RAD51B: variants seen among roughly 807,000 people sequenced by gnomAD.
The protein encoded by RAD51B is RAD51 paralog B, also known as DNA repair protein RAD51 homolog 2.
RAD51B carries 38 observed loss-of-function variants against 42.2 expected under a neutral mutation model. The ratio of observed to expected loss-of-function variants is 0.90; its 90% CI spans 0.70 to 1.18. RAD51B has a LOEUF of 1.18. Ranked by LOEUF, RAD51B falls within the 50% of genes most tolerant of loss-of-function variation. The pLI is 0.00. For synonymous variants in RAD51B, 154 were observed against 145.2 expected, an observed-to-expected ratio of 1.06 and a Z score of -0.43; for missense variants, 373 against 400.7, an observed-to-expected ratio of 0.93 and a Z score of 0.59.
intron 7 of RAD51B, among the ~76,000 whole-genome samples, chr14:68,066,729 C>G (rs1449335736): frequency 6.6e-6 from 1 of 152,004 alleles, no homozygotes; most frequent in Non-Finnish European, 1.5e-5. Context: ...TGAGTCTAGC[C>G]TGGGCAATGC....
chr14:68,235,636 G>A (rs1171824910), intron 7 of RAD51B, among the ~76,000 whole-genome samples: 2 of 145,418 alleles, frequency 1.4e-5, no homozygotes, highest in Admixed American at 6.9e-5. Context: ...CCCGGGAGGC[G>A]GAGCTTGCAG....
chr14:68,406,132 C>G (rs1178228324), intron 8 of RAD51B, among the ~76,000 whole-genome samples: 2 of 152,200 alleles, frequency 1.3e-5, no homozygotes, highest in African/African-American at 4.8e-5. Flanking sequence ...CTCTGTGTCT[C>G]AGACCTTGTG....
intron 7 of RAD51B, among the ~76,000 whole-genome samples, chr14:68,214,944 T>C (rs1293916309): frequency 6.6e-6 from 1 of 152,170 alleles, no homozygotes; most frequent in African/African-American, 2.4e-5. Context: ...TCCTTGGGGG[T>C]TCTAATTATA....
intron 11 of RAD51B, among the ~76,000 whole-genome samples, chr14:68,655,424 G>A (rs751975995): frequency 1.3e-5 from 2 of 152,130 alleles, no homozygotes; most frequent in African/African-American, 2.4e-5. Flanking sequence ...TGGGGGAAGC[G>A]AGCTACTTCT....
At chr14:68,671,147 A>C (rs1893148478) in intron 11 of RAD51B, among the ~76,000 whole-genome samples, 1 of 152,190 alleles carries the variant, frequency 6.6e-6, no homozygotes, top group South Asian at 2.1e-4. Flanking sequence ...TCCAAGGGGC[A>C]CCCATGATAA....
intron 1 of RAD51B, among the ~76,000 whole-genome samples, chr14:67,820,518 A>G (rs543915270): frequency 2.6e-5 from 4 of 152,342 alleles, no homozygotes; most frequent in Admixed American, 2.6e-4. Context: ...TGCAATACAC[A>G]TACGTGCTTT....
At chr14:68,069,335 A>G (rs10150789) in intron 7 of RAD51B, among the ~76,000 whole-genome samples, 9,187 of 152,070 alleles carry the variant, frequency 0.06, 653 homozygotes, top group African/African-American at 0.17. Context: ...ACATGGGTAA[A>G]TTGTGTGTGT....
chr14:68,068,154 C>G (rs1168783825), intron 7 of RAD51B, among the ~76,000 whole-genome samples: 3 of 152,106 alleles, frequency 2.0e-5, no homozygotes, highest in African/African-American at 7.2e-5. Context: ...ATAATACTTT[C>G]AATGTACAAT....
intron 7 of RAD51B, among the ~76,000 whole-genome samples, chr14:67,920,977 G>A (rs751932017): frequency 6.6e-6 from 1 of 152,200 alleles, no homozygotes; most frequent in Non-Finnish European, 1.5e-5. Context: ...TTTGGTTGTA[G>A]CATAGAGTAA....
chr14:68,224,192 A>G (rs1163116111), intron 7 of RAD51B, among the ~76,000 whole-genome samples: 2 of 152,236 alleles, frequency 1.3e-5, no homozygotes, highest in Admixed American at 1.3e-4. Context: ...TGCTTCCTGC[A>G]TGAAGCCTGT....
At chr14:68,537,973 A>G (rs1267917984) in intron 10 of RAD51B, among the ~76,000 whole-genome samples, 1 of 152,188 alleles carries the variant, frequency 6.6e-6, no homozygotes, top group South Asian at 2.1e-4. Flanking sequence ...CTGAGCATCA[A>G]GATGTCTTCA....
At position 68,144,763 on chromosome 14, in the gene RAD51B, T is replaced by C. The variant is rs551203633; in HGVS notation, c.757-147121T>C. On this transcript the variant is annotated intron_variant, in intron 7 of 10. Coordinates refer to ENST00000471583, the MANE Select transcript of RAD51B (RefSeq NM_133510.4). ...TCTATGTTTTCTCATGTCTGTATTT[T>C]GTGTTTTATTTAAAATAATTAAAAT... 2.6e-5 allele frequency among the ~76,000 whole-genome samples: 4 copies of C among 152,380 alleles called. No homozygotes were observed. In the East Asian group the frequency reaches 7.7e-4, roughly 29 times the overall value.
chr14:68,348,920 C>T (rs1460837166), intron 8 of RAD51B, among the ~76,000 whole-genome samples: 2 of 152,110 alleles, frequency 1.3e-5, no homozygotes, highest in Admixed American at 1.3e-4. Context: ...GATAAACAAA[C>T]CTTTTCTGTA....
At chr14:68,304,823 G>A (rs1016035845) in intron 8 of RAD51B, among the ~76,000 whole-genome samples, 8 of 152,298 alleles carry the variant, frequency 5.3e-5, no homozygotes, top group Admixed American at 2.0e-4. Flanking sequence ...TCTTCGGTGA[G>A]CAAATTGGTA....
At chr14:67,920,429 A>G (rs1191053746) in intron 7 of RAD51B, among the ~76,000 whole-genome samples, 2 of 152,148 alleles carry the variant, frequency 1.3e-5, no homozygotes, top group African/African-American at 4.8e-5. Context: ...TACTCATATA[A>G]AATGTAGCAG....
At chr14:68,468,458 G>A in intron 10 of RAD51B, 3 of 673,046 alleles carry the variant, frequency 4.5e-6, no homozygotes, top group African/African-American at 1.8e-5. Context: ...TAGGGCCGAA[G>A]GAGACCTACA....
chr14:67,892,092 C>T (rs894472743), intron 7 of RAD51B, among the ~76,000 whole-genome samples: 2 of 152,108 alleles, frequency 1.3e-5, no homozygotes, highest in African/African-American at 4.8e-5. Context: ...CATATTTTTA[C>T]TGAAAACAAG....
chr14:68,406,233 T>C (rs1041336899), intron 8 of RAD51B, among the ~76,000 whole-genome samples: 5 of 152,096 alleles, frequency 3.3e-5, no homozygotes, highest in Non-Finnish European at 7.4e-5. Context: ...TGAAGATGGG[T>C]TCTGAGAAAT....
intron 7 of RAD51B, among the ~76,000 whole-genome samples, chr14:68,158,978 A>C (rs943548240): frequency 4.6e-5 from 7 of 152,192 alleles, no homozygotes; most frequent in Non-Finnish European, 2.9e-5. Flanking sequence ...AAGTGTTAGA[A>C]GAGCCTCAAA....
Sources: gnomAD v4.1 joint callset for allele counts (sites outside exome capture counted in the v4.1 genomes callset) on GRCh38, gnomAD v4.1.1 for gene constraint, MANE v1.5 for transcripts, NCBI Gene and HGNC (gene_info 2026-07-23, HGNC 2026-07-21) for gene names.